JADE2: variants seen among roughly 807,000 people sequenced by gnomAD.
JADE2 encodes jade family PHD finger 2, also known as E3 ubiquitin-protein ligase Jade-2.
Under a neutral mutation model 85.7 loss-of-function variants are expected in JADE2, and 13 were observed. That is an observed-to-expected ratio of 0.15 (90% CI 0.10 to 0.24). The LOEUF is 0.24. Among genes scored for constraint, JADE2 ranks in the 10% least tolerant of loss-of-function variants. The pLI is 1.00. For synonymous variants in JADE2, 440 were observed against 456.1 expected (o/e 0.96, Z 0.45); for missense variants, 846 against 1,115.9 (o/e 0.76, Z 3.45).
At chr5:134,534,869 C>G (rs577320845) in intron 1 of JADE2, among the ~76,000 whole-genome samples, 1 of 152,330 alleles carries the variant, frequency 6.6e-6, no homozygotes, top group Non-Finnish European at 1.5e-5. Context: ...GCTGTGCTCC[C>G]CTCCAAGGGG....
In JADE2 at chr5:134,573,704, A is replaced by G; in HGVS notation, c.1494A>G (p.Lys498=). 2 of 1,613,794 alleles carry G rather than the reference A, an allele frequency of 1.2e-6. No homozygotes were observed. Among genetic ancestry groups the G allele is most frequent in the Non-Finnish European group, 1.7e-6 (2 of 1,179,796 alleles). ...RRERTKHAIC[K]LQEQIFHLQM... ...AGAGAACGAAACACGCCATCTGCAAACTCCAGGAGCAGATATTCCACCTGC... is the reference window on the plus strand; with the variant it reads ...AGAGAACGAAACACGCCATCTGCAAGCTCCAGGAGCAGATATTCCACCTGC... Residue 498 remains lysine (K), a synonymous_variant, in exon 10 of 12, where the codon AAA becomes AAG. Transcript: ENST00000681547.
At chr5:134,570,838 G>C (rs962195246) in intron 9 of JADE2, among the ~76,000 whole-genome samples, 1 of 152,130 alleles carries the variant, frequency 6.6e-6, no homozygotes, top group Non-Finnish European at 1.5e-5. Flanking sequence ...TGTCTTTCAC[G>C]GCTGCCCACA....
chr5:134,554,475 CGGAAACATCTCCT>C (rs1167138169), intron 4 of JADE2, among the ~76,000 whole-genome samples: 2 of 152,242 alleles, frequency 1.3e-5, no homozygotes, highest in Non-Finnish European at 2.9e-5. Context: ...CATTTGGTTC[CGGAAACATCTCCT>C]GGCCTGGGTA....
At position 134,573,696 on chromosome 5, in the gene JADE2, A is replaced by G; in HGVS notation, c.1486A>G (p.Ile496Val). The change falls in exon 10 of 12, where the codon ATC becomes GTC. Residue 496 changes from isoleucine to valine, a missense_variant. Physicochemically the swap from Ile to Val is conservative, Grantham distance 29 (BLOSUM62 3). Coordinates refer to ENST00000681547, the MANE Select transcript of JADE2 (RefSeq NM_001388185.1). ...AAGGCGCGAGAGAACGAAACACGCC[A>G]TCTGCAAACTCCAGGAGCAGATATT... ...VTRRERTKHA[I>V]CKLQEQIFHL... 2 of 1,614,122 alleles carry G rather than the reference A, an allele frequency of 1.2e-6. No individual in the cohort carries two copies. The highest frequency in any genetic ancestry group is 1.7e-6 in the Non-Finnish European group (2 of 1,179,938).
At chr5:134,567,757 C>T (rs893233929) in intron 9 of JADE2, among the ~76,000 whole-genome samples, 5 of 152,222 alleles carry the variant, frequency 3.3e-5, no homozygotes, top group African/African-American at 9.7e-5. Flanking sequence ...CACTCATCTG[C>T]GCTGCCTGCT....
intron 3 of JADE2, among the ~76,000 whole-genome samples, chr5:134,546,098 G>GATTCATTC (rs577759322): frequency 3.9e-5 from 6 of 152,262 alleles, no homozygotes; most frequent in African/African-American, 1.4e-4. Flanking sequence ...CAAATCCTGG[G>GATTCATTC]ATTCATTCAT....
chr5:134,563,025 C>T (rs1763418948), intron 7 of JADE2, among the ~76,000 whole-genome samples: 1 of 152,018 alleles, frequency 6.6e-6, no homozygotes, highest in African/African-American at 2.4e-5. Flanking sequence ...CAAAGTCAAG[C>T]CACATGTTCA....
At chr5:134,555,084 C>T (rs1224233411) in intron 4 of JADE2, among the ~76,000 whole-genome samples, 2 of 152,094 alleles carry the variant, frequency 1.3e-5, no homozygotes, top group Admixed American at 1.3e-4. Flanking sequence ...GAGCCCTGTG[C>T]CCCCGTCATC....
intron 1 of JADE2, among the ~76,000 whole-genome samples, chr5:134,528,487 C>A (rs1761025069): frequency 6.6e-6 from 1 of 152,100 alleles, no homozygotes; most frequent in African/African-American, 2.4e-5. Flanking sequence ...ATAAAGCTGA[C>A]CCAGGCAGGG....
chr5:134,549,131 G>C (rs1468070884), intron 3 of JADE2, among the ~76,000 whole-genome samples: 1 of 152,198 alleles, frequency 6.6e-6, no homozygotes. Context: ...GTGCTGGAAA[G>C]AAAATGAGGC....
chr5:134,525,524 G>C (rs1366916576), upstream of JADE2: 1 of 313,418 alleles, frequency 3.2e-6, no homozygotes, highest in Non-Finnish European at 5.7e-6. Context: ...GGCGACGGGG[G>C]TGTCGGGAGC....
chr5:134,541,142 T>C (rs537446421), intron 3 of JADE2, among the ~76,000 whole-genome samples: 1 of 152,314 alleles, frequency 6.6e-6, no homozygotes, highest in East Asian at 1.9e-4. Context: ...AGTCCTGGGC[T>C]CTAGAAGGGC....
chr5:134,538,200 G>T, intron 3 of JADE2, 117 bp downstream of exon 3: 1 of 753,908 alleles, frequency 1.3e-6, no homozygotes. Flanking sequence ...AGGCCAGCGT[G>T]GCCGAGTGGA....
At chr5:134,529,044 C>T (rs1581385034) in intron 1 of JADE2, among the ~76,000 whole-genome samples, 2 of 152,178 alleles carry the variant, frequency 1.3e-5, no homozygotes, top group Non-Finnish European at 2.9e-5. Flanking sequence ...GACACTGACC[C>T]CCACATCCTT....
chr5:134,535,360 G>C (rs183725304), intron 1 of JADE2, among the ~76,000 whole-genome samples: 1 of 152,094 alleles, frequency 6.6e-6, no homozygotes, highest in African/African-American at 2.4e-5. Context: ...ACCACCACTC[G>C]CAGGACTAGG....
chr5:134,524,503 T>C (rs1760690344), upstream of JADE2: 1 of 152,464 alleles, frequency 6.6e-6, no homozygotes, highest in African/African-American at 2.4e-5. Context: ...CCCCGCTTCC[T>C]CGCCATGTGC....
intron 2 of JADE2, among the ~76,000 whole-genome samples, 179 bp from the exon 3 acceptor site, chr5:134,537,810 A>T (rs1156988916): frequency 1.3e-5 from 2 of 152,134 alleles, no homozygotes; most frequent in Non-Finnish European, 2.9e-5. Flanking sequence ...AGGAGGCTTC[A>T]TGTCCCCATT....
intron 1 of JADE2, among the ~76,000 whole-genome samples, chr5:134,531,735 A>G (rs1168645304): frequency 6.6e-6 from 1 of 151,934 alleles, no homozygotes; most frequent in African/African-American, 2.4e-5. Flanking sequence ...GGCTTCCGCC[A>G]CTAAGCCTGG....
At chr5:134,561,367 G>A (rs1278133388) in intron 6 of JADE2, among the ~76,000 whole-genome samples, 1 of 152,324 alleles carries the variant, frequency 6.6e-6, no homozygotes, top group African/African-American at 2.4e-5. Flanking sequence ...ACCTCTCTGG[G>A]CCTGTGTTTT....
Sources: allele counts gnomAD v4.1 joint callset (sites outside exome capture counted in the v4.1 genomes callset), GRCh38; gene constraint gnomAD v4.1.1; transcripts MANE v1.5; gene names NCBI Gene and HGNC (gene_info 2026-07-23, HGNC 2026-07-21).